PRKCB: variants seen among roughly 807,000 people sequenced by gnomAD.
PRKCB encodes protein kinase C beta type.
PRKCB carries 13 observed loss-of-function variants against 81.5 expected under a neutral mutation model. That is an observed-to-expected ratio of 0.16 (90% CI 0.10 to 0.25). The LOEUF is 0.25. PRKCB is among the 10% of genes least tolerant of loss of function. The pLI, the probability that PRKCB is intolerant of heterozygous loss-of-function variation, is 1.00. For missense variants in PRKCB, 509 were observed against 875.7 expected, an observed-to-expected ratio of 0.58 and a Z score of 5.29; for synonymous variants, 335 against 321.4, an observed-to-expected ratio of 1.04 and a Z score of -0.45.
At chr16:24,008,668 A>C (rs1965161451) in intron 3 of PRKCB, among the ~76,000 whole-genome samples, 1 of 151,084 alleles carries the variant, frequency 6.6e-6, no homozygotes, top group African/African-American at 2.4e-5. Context: ...TTTTCCCCCC[A>C]CCCCCAGTGA....
At chr16:23,953,122 A>C (rs190118664) in intron 2 of PRKCB, among the ~76,000 whole-genome samples, 90 of 152,180 alleles carry the variant, frequency 5.9e-4, no homozygotes, top group Admixed American at 2.2e-3. Context: ...GGAGACACAG[A>C]GTGTTTGATC....
At chr16:23,957,709 T>C (rs1268923119) in intron 2 of PRKCB, among the ~76,000 whole-genome samples, 3 of 152,068 alleles carry the variant, frequency 2.0e-5, no homozygotes, top group Non-Finnish European at 4.4e-5. Flanking sequence ...GACACCCCTT[T>C]GTACTCTTCC....
intron 2 of PRKCB, among the ~76,000 whole-genome samples, chr16:23,987,894 T>A (rs1160482671): frequency 6.6e-6 from 1 of 152,238 alleles, no homozygotes; most frequent in Admixed American, 6.5e-5. Flanking sequence ...AGCCATACCA[T>A]AGATGCATTA....
At chr16:24,092,481 C>G (rs1454388642) in intron 5 of PRKCB, among the ~76,000 whole-genome samples, 1 of 152,132 alleles carries the variant, frequency 6.6e-6, no homozygotes, top group Non-Finnish European at 1.5e-5. Flanking sequence ...AAACGTTATG[C>G]TAAATGAAAG....
At chr16:23,962,326 A>G (rs946472599) in intron 2 of PRKCB, among the ~76,000 whole-genome samples, 2 of 151,826 alleles carry the variant, frequency 1.3e-5, no homozygotes, top group Non-Finnish European at 2.9e-5. Flanking sequence ...TTGGGTTTCC[A>G]TCTCTCCCTC....
intron 2 of PRKCB, among the ~76,000 whole-genome samples, chr16:23,927,529 C>T (rs545739868): frequency 1.3e-5 from 2 of 152,134 alleles, no homozygotes; most frequent in East Asian, 3.9e-4. Flanking sequence ...TTAGAAACCA[C>T]TCTGGCTGCC....
rs139256251 is a variant in PRKCB, at chr16:24,183,190, T to A, written c.1534-1921T>A. Among the ~76,000 whole-genome samples, 1,006 of 152,266 alleles carry A rather than the reference T, an allele frequency of 6.6e-3. 4 individuals are homozygous for A. Among genetic ancestry groups the A allele is most frequent in the Non-Finnish European group, 0.012 (796 of 68,002 alleles). ...TCCCTTCCTTGTCTTGAGGGTTACT[T>A]CTCAGAATGCATTTCATTCATTCAT... On this transcript the variant is annotated intron_variant, in intron 13 of 16. Transcript: ENST00000643927.
intron 2 of PRKCB, among the ~76,000 whole-genome samples, chr16:23,932,490 G>C (rs1302700617): frequency 2.0e-5 from 3 of 152,206 alleles, no homozygotes; most frequent in Non-Finnish European, 4.4e-5. Context: ...ATGTGACCCA[G>C]CATTCCTGCT....
chr16:23,839,002 A>G (rs1351332633), intron 2 of PRKCB, among the ~76,000 whole-genome samples: 1 of 152,142 alleles, frequency 6.6e-6, no homozygotes, highest in Non-Finnish European at 1.5e-5. Flanking sequence ...TTCTTCTTTG[A>G]GGTTGCCTTT....
chr16:24,214,543 AAAGGG>A, intron 16 of PRKCB, 110 bp from the exon 17 acceptor site: 1 of 830,762 alleles, frequency 1.2e-6, no homozygotes, highest in Non-Finnish European at 1.9e-6. Flanking sequence ...TGAGTTTCTG[AAAGGG>A]AAGGGAATGG....
At chr16:23,943,822 C>T (rs919065105) in intron 2 of PRKCB, among the ~76,000 whole-genome samples, 1 of 152,142 alleles carries the variant, frequency 6.6e-6, no homozygotes, top group African/African-American at 2.4e-5. Context: ...TGTGGGCTTA[C>T]TATGTGTCAG....
intron 3 of PRKCB, among the ~76,000 whole-genome samples, chr16:24,028,109 G>A (rs748313289): frequency 3.3e-5 from 5 of 151,852 alleles, no homozygotes; most frequent in Non-Finnish European, 5.9e-5. Flanking sequence ...TTTTTTTTGA[G>A]ATGGAGTCTT....
intron 10 of PRKCB, among the ~76,000 whole-genome samples, chr16:24,160,121 C>T (rs1967230304): frequency 6.6e-6 from 1 of 151,494 alleles, no homozygotes; most frequent in Non-Finnish European, 1.5e-5. Context: ...GATGAAATGG[C>T]TCAAGTTCCA....
In PRKCB at chr16:23,839,636, G is replaced by A. The variant is rs968088315; in HGVS notation, c.205+2230G>A. On this transcript the variant is annotated intron_variant, in intron 2 of 16. Transcript: ENST00000643927. ...CCCTGCCTCCCCACCAAGAGGCAGC[G>A]TAGAGAAGTGGGCATTTGCACAGGC... 2.6e-5 allele frequency among the ~76,000 whole-genome samples: 4 copies of A among 151,920 alleles called. No homozygotes were observed. In the East Asian group the frequency reaches 5.8e-4, roughly 22 times the overall value.
At chr16:24,162,238 C>T (rs764778922) in intron 10 of PRKCB, among the ~76,000 whole-genome samples, 4 of 151,952 alleles carry the variant, frequency 2.6e-5, no homozygotes, top group African/African-American at 7.3e-5. Flanking sequence ...GAATGAGCCC[C>T]GAGAATGTCC....
At chr16:24,079,129 C>A (rs1034900167) in intron 5 of PRKCB, among the ~76,000 whole-genome samples, 1 of 152,296 alleles carries the variant, frequency 6.6e-6, no homozygotes, top group South Asian at 2.1e-4. Context: ...CTAACTGATA[C>A]GATATATTCT....
chr16:23,949,016 C>T (rs549101626), intron 2 of PRKCB, among the ~76,000 whole-genome samples: 3 of 152,224 alleles, frequency 2.0e-5, no homozygotes, highest in Admixed American at 1.3e-4. Context: ...CATAATTTTT[C>T]GAGGAGTGGT....
intron 2 of PRKCB, among the ~76,000 whole-genome samples, chr16:23,872,949 G>A (rs371348374): frequency 2.0e-5 from 3 of 151,556 alleles, no homozygotes; most frequent in East Asian, 3.9e-4. Flanking sequence ...AGGTCGAGGC[G>A]GGCAGATCAT....
intron 2 of PRKCB, among the ~76,000 whole-genome samples, chr16:23,981,470 G>A (rs1359451751): frequency 1.3e-5 from 2 of 151,846 alleles, no homozygotes; most frequent in Admixed American, 6.6e-5. Context: ...CAGGTCCCAG[G>A]ATTAGGACAC....
Sources: allele counts gnomAD v4.1 joint callset (sites outside exome capture counted in the v4.1 genomes callset), GRCh38; gene constraint gnomAD v4.1.1; transcripts MANE v1.5; gene names NCBI Gene and HGNC (gene_info 2026-07-23, HGNC 2026-07-21).